Variants in FAN1 observed in about 807,000 individuals in gnomAD.
FAN1 encodes the protein FANCD2 and FANCI associated nuclease 1.
A neutral mutation model predicts 104.9 loss-of-function variants in FAN1; 91 were observed. The ratio of observed to expected loss-of-function variants is 0.87; its 90% CI spans 0.73 to 1.03. The LOEUF is 1.03. FAN1 is among the 50% of genes least tolerant of loss of function. The probability of loss-of-function intolerance (pLI) is 0.00; values close to 1 mark genes in which losing one functional copy is unlikely to be tolerated. For synonymous variants in FAN1, 478 were observed against 457.6 expected, an observed-to-expected ratio of 1.04 and a Z score of -0.57; for missense variants, 1,263 against 1,239.9, an observed-to-expected ratio of 1.02 and a Z score of -0.28.
Position 30,920,345 on chromosome 15 carries a change from C to T in FAN1, c.1944-200C>T, listed in dbSNP as rs990997593. ...TTTAGAATGATGAGTTCTCATCTTA[C>T]TCCACTGTCTGAGTGACCTAGGACG... On this transcript the variant is annotated intron_variant, in intron 6 of 14. Coordinates refer to ENST00000362065, the MANE Select transcript of FAN1 (RefSeq NM_014967.5). 4.6e-5 allele frequency among the ~76,000 whole-genome samples: 7 copies of T among 152,224 alleles called. No homozygotes were observed. The South Asian group carries it at 1.2e-3, about 27-fold the overall frequency.
At chr15:30,912,889 T>C (rs1410691846) in intron 4 of FAN1, among the ~76,000 whole-genome samples, 1 of 152,172 alleles carries the variant, frequency 6.6e-6, no homozygotes, top group African/African-American at 2.4e-5. Context: ...AACCCTGCTA[T>C]TGATGGTGTC....
At chr15:30,941,042 A>G (rs1329746868) in intron 14 of FAN1, 5 of 1,178,918 alleles carry the variant, frequency 4.2e-6, no homozygotes, top group African/African-American at 1.6e-5. Context: ...AGAAAAATAC[A>G]TGAATACTTC....
At chr15:30,934,333 A>G (rs1176886547) in intron 13 of FAN1, among the ~76,000 whole-genome samples, 2 of 152,070 alleles carry the variant, frequency 1.3e-5, no homozygotes, top group Admixed American at 1.3e-4. Context: ...GATTTCCTGT[A>G]GGCATCATAT....
intron 14 of FAN1, 136 bp from the exon 15 acceptor site, chr15:30,941,430 G>T: frequency 2.5e-6 from 4 of 1,569,334 alleles, no homozygotes; most frequent in South Asian, 2.4e-5. Context: ...GAGGAAAAAA[G>T]TTGACAGCTT....
At chr15:30,937,433 C>G (rs1265886421) in intron 14 of FAN1, among the ~76,000 whole-genome samples, 174 bp downstream of exon 14, 2 of 149,264 alleles carry the variant, frequency 1.3e-5, no homozygotes, top group African/African-American at 2.5e-5. Context: ...TGATTCCACA[C>G]AGTGGGTAAT....
intron 4 of FAN1, chr15:30,911,771 A>C (rs1249116516): frequency 1.0e-6 from 1 of 957,440 alleles, no homozygotes; most frequent in East Asian, 1.2e-4. Flanking sequence ...CATTAAATTT[A>C]GCCACCCTCT....
intron 6 of FAN1, among the ~76,000 whole-genome samples, chr15:30,919,453 G>A (rs945204123): frequency 1.3e-5 from 2 of 151,742 alleles, no homozygotes; most frequent in Non-Finnish European, 2.9e-5. Context: ...CACTTTGGGA[G>A]GCAGAGGTGA....
intron 1 of FAN1, 132 bp downstream of exon 1, chr15:30,904,143 T>G (rs1308405080): frequency 6.6e-6 from 1 of 152,440 alleles, no homozygotes; most frequent in Non-Finnish European, 1.5e-5. Flanking sequence ...GCGTTTCATC[T>G]GCGCCGGCCT....
In FAN1 at chr15:30,933,745, TTTC is replaced by T. The variant is rs1365717141; in HGVS notation, c.2916+3077_2916+3079del. On this transcript the variant is annotated intron_variant, in intron 13 of 14. Coordinates refer to ENST00000362065, the MANE Select transcript of FAN1 (RefSeq NM_014967.5). ...GATATCTCTGATTATAATTGTGGTA[TTTC>T]TTTTCTTTTTTTTTTTGTTTTTGTT... 4.8e-5 allele frequency among the ~76,000 whole-genome samples: 7 copies of T among 147,124 alleles called. No individual in the cohort carries two copies. The East Asian group carries it at 1.4e-3, about 29-fold the overall frequency.
chr15:30,926,090 C>T (rs1265272649), intron 10 of FAN1, 151 bp downstream of exon 10: 3 of 765,792 alleles, frequency 3.9e-6, no homozygotes, highest in East Asian at 2.5e-5. Context: ...CCTATTCTTC[C>T]CCTTATCAAT....
In FAN1 at chr15:30,922,474, A is replaced by G. The variant is rs192785780; in HGVS notation, c.2172+120A>G. 1.6e-4 allele frequency: 174 copies of G among 1,066,844 alleles called. 2 individuals carry two copies. In the Middle Eastern group the frequency reaches 3.0e-3, roughly 19 times the overall value. 66.1% of individuals were successfully genotyped at this position (1,066,844 alleles called of 1,614,324 possible). ...TAGAACATGTATTTCTTTTGTTAACATTCTTCTTTTGTCTGTGTTCTTCCA... is the reference window on the plus strand; with the variant it reads ...TAGAACATGTATTTCTTTTGTTAACGTTCTTCTTTTGTCTGTGTTCTTCCA... On this transcript the variant is annotated intron_variant, in intron 8 of 14. Coordinates refer to ENST00000362065, the MANE Select transcript of FAN1 (RefSeq NM_014967.5).
rs1364458571 is a variant in FAN1 at position 30,940,384 on chromosome 15, A to ATGGCAG, written c.*4-1179_*4-1174dup. 4.1e-6 allele frequency: 4 copies of ATGGCAG among 985,324 alleles called. No individual in the cohort carries two copies. The African/African-American group carries it at 7.0e-5, about 17-fold the overall frequency. The allele number at this position is 985,324 out of a possible 1,614,324, so 61.0% of individuals were successfully genotyped here. Reference sequence around the variant, plus strand: ...GGGGAGCACTTCTGTCGCTATTCAAATGGCAGTGTTTTGAGAGAATCCATT... The same window carrying ATGGCAG: ...GGGGAGCACTTCTGTCGCTATTCAAATGGCAGTGGCAGTGTTTTGAGAGAATCCATT... On this transcript the variant is annotated intron_variant, in intron 14 of 14. Transcript: ENST00000362065.
intron 14 of FAN1, chr15:30,940,870 C>CAT (rs1462783227): frequency 9.9e-7 from 1 of 1,008,224 alleles, no homozygotes; most frequent in African/African-American, 1.7e-5. Flanking sequence ...ATTAACAGTG[C>CAT]ATATCATTTT....
In FAN1 at chr15:30,941,706, G is replaced by T. The variant is rs370090920; in HGVS notation, c.*144G>T. 1 of 1,613,850 alleles carries T rather than the reference G, an allele frequency of 6.2e-7. No homozygotes were observed. The highest frequency in any genetic ancestry group is 8.5e-7 in the Non-Finnish European group (1 of 1,179,830). ...TAGCAGGCCTCCAGGGGGCCACTGC[G>T]CTGTTGCCGCAGCATCCTGCTCAGT... On this transcript the variant is annotated 3_prime_UTR_variant, in exon 15 of 15. Coordinates refer to ENST00000362065, the MANE Select transcript of FAN1 (RefSeq NM_014967.5).
chr15:30,911,271 C>G (rs2062095589), intron 4 of FAN1: 1 of 987,806 alleles, frequency 1.0e-6, no homozygotes, highest in East Asian at 1.1e-4. Flanking sequence ...AAGCCCTTGA[C>G]CTGTTTCAGT....
In FAN1 at chr15:30,942,273, C is replaced by G. The variant is rs1299488371; in HGVS notation, c.*711C>G. On this transcript the variant is annotated 3_prime_UTR_variant, in exon 15 of 15. Transcript: ENST00000362065. ...TTTTTATGTGTTGACTCTACCTAGG[C>G]TGTTACTATCAGCCTGAATGGGGGC... 2 of 667,096 alleles carry G rather than the reference C, an allele frequency of 3.0e-6. No homozygotes were observed. Among genetic ancestry groups the G allele is most frequent in the East Asian group, 5.5e-5 (2 of 36,464 alleles). 41.3% of individuals were successfully genotyped at this position (667,096 alleles called of 1,614,324 possible). A position where few individuals can be genotyped will look rare whatever the true frequency, so the allele number is the denominator to read the frequency against.
chr15:30,923,208 G>A (rs1466691169), intron 8 of FAN1, among the ~76,000 whole-genome samples: 2 of 152,292 alleles, frequency 1.3e-5, no homozygotes, highest in African/African-American at 2.4e-5. Flanking sequence ...GTTACCTCAC[G>A]TATCAGGGAA....
intron 13 of FAN1, among the ~76,000 whole-genome samples, chr15:30,932,635 G>A (rs1467529287): frequency 6.6e-6 from 1 of 151,744 alleles, no homozygotes; most frequent in East Asian, 1.9e-4. Context: ...TCTTGATTGC[G>A]CTTTGCTAGT....
At position 30,942,948 on chromosome 15, in the gene FAN1, A is replaced by T; in HGVS notation, c.*1386A>T. Reference sequence around the variant, plus strand: ...CTGTATACAAGGTGTGCTCTTTCCAATGTAGAAGGGGTTATGGAAAAGGGT... The same window carrying T: ...CTGTATACAAGGTGTGCTCTTTCCATTGTAGAAGGGGTTATGGAAAAGGGT... On this transcript the variant is annotated 3_prime_UTR_variant, in exon 15 of 15. Coordinates refer to ENST00000362065, the MANE Select transcript of FAN1 (RefSeq NM_014967.5). 6.4e-7 allele frequency: 1 copy of T among 1,564,564 alleles called. No homozygotes were observed. Among genetic ancestry groups the T allele is most frequent in the Non-Finnish European group, 8.7e-7 (1 of 1,152,368 alleles).
Sources: allele counts gnomAD v4.1 joint callset (sites outside exome capture counted in the v4.1 genomes callset), GRCh38; gene constraint gnomAD v4.1.1; transcripts MANE v1.5; gene names NCBI Gene and HGNC (gene_info 2026-07-23, HGNC 2026-07-21).